The following PTPRM variants were observed in gnomAD, a reference collection of about 807,000 sequenced individuals.
PTPRM encodes receptor-type tyrosine-protein phosphatase mu.
In PTPRM, 47 loss-of-function variants were observed where a neutral mutation model predicts 186.7. The ratio of observed to expected loss-of-function variants is 0.25; its 90% CI spans 0.20 to 0.32. The LOEUF (loss-of-function observed/expected upper bound fraction) is 0.32. PTPRM is among the 10% of genes least tolerant of loss of function. PTPRM has a pLI of 1.00. For missense variants in PTPRM, 1,494 were observed against 1,865.0 expected, an observed-to-expected ratio of 0.80 and a Z score of 3.66; for synonymous variants, 668 against 674.9, an observed-to-expected ratio of 0.99 and a Z score of 0.16.
chr18:7,965,678 T>G (rs532249822), intron 7 of PTPRM, among the ~76,000 whole-genome samples: 1 of 152,328 alleles, frequency 6.6e-6, no homozygotes, highest in Non-Finnish European at 1.5e-5. Context: ...TCAGTCACTC[T>G]TGACTTACCA....
intron 14 of PTPRM, among the ~76,000 whole-genome samples, chr18:8,190,642 G>T (rs988197912): frequency 6.6e-6 from 1 of 151,968 alleles, no homozygotes; most frequent in African/African-American, 2.4e-5. Flanking sequence ...ATAAATCTAT[G>T]TTCTGTTTAT....
intron 1 of PTPRM, among the ~76,000 whole-genome samples, chr18:7,647,066 C>G (rs1029664108): frequency 2.6e-5 from 4 of 152,114 alleles, no homozygotes; most frequent in Non-Finnish European, 5.9e-5. Context: ...CAACATGTTC[C>G]TGAGACACGT....
chr18:7,999,704 A>G (rs2083755284), intron 7 of PTPRM, among the ~76,000 whole-genome samples: 1 of 151,986 alleles, frequency 6.6e-6, no homozygotes, highest in Non-Finnish European at 1.5e-5. Context: ...ATTTGTTTTG[A>G]AAGAGTAGTA....
chr18:8,361,250 C>G (rs758496145), intron 23 of PTPRM, among the ~76,000 whole-genome samples: 3 of 152,138 alleles, frequency 2.0e-5, no homozygotes, highest in Non-Finnish European at 4.4e-5. Flanking sequence ...GCATTTAGCC[C>G]TGATTAATGC....
At chr18:8,107,064 T>G (rs921789048) in intron 11 of PTPRM, among the ~76,000 whole-genome samples, 1 of 152,256 alleles carries the variant, frequency 6.6e-6, no homozygotes, top group Non-Finnish European at 1.5e-5. Context: ...TCTCTTTCTA[T>G]TTTTATTCAA....
At chr18:8,305,498 T>A (rs1055457123) in intron 20 of PTPRM, among the ~76,000 whole-genome samples, 1 of 152,230 alleles carries the variant, frequency 6.6e-6, no homozygotes, top group Non-Finnish European at 1.5e-5. Context: ...TATTCCCATT[T>A]TACAGTTGGG....
intron 1 of PTPRM, among the ~76,000 whole-genome samples, chr18:7,587,345 A>G (rs2037005397): frequency 6.6e-6 from 1 of 152,080 alleles, no homozygotes; most frequent in Non-Finnish European, 1.5e-5. Context: ...CTTTGTTCAT[A>G]TAAATAGATG....
chr18:7,598,272 G>A (rs1487749510), intron 1 of PTPRM, among the ~76,000 whole-genome samples: 8 of 152,066 alleles, frequency 5.3e-5, no homozygotes, highest in Admixed American at 3.9e-4. Flanking sequence ...ATATCTTCTC[G>A]TAAACAGTGT....
At chr18:7,844,558 G>A (rs1021814892) in intron 2 of PTPRM, among the ~76,000 whole-genome samples, 16 of 152,220 alleles carry the variant, frequency 1.1e-4, no homozygotes, top group African/African-American at 3.9e-4. Context: ...GAAACAGAAG[G>A]CATGCACGAG....
intron 2 of PTPRM, among the ~76,000 whole-genome samples, chr18:7,868,795 C>T (rs1388439347): frequency 6.6e-6 from 1 of 152,232 alleles, no homozygotes; most frequent in East Asian, 1.9e-4. Context: ...AAGCTGCGCC[C>T]ACAGCCACCC....
At chr18:7,764,074 T>C (rs1286995038) in intron 1 of PTPRM, among the ~76,000 whole-genome samples, 1 of 152,160 alleles carries the variant, frequency 6.6e-6, no homozygotes, top group Non-Finnish European at 1.5e-5. Context: ...ATCAGGGTTT[T>C]CTTAGCATGA....
At chr18:7,601,796 C>T (rs534784898) in intron 1 of PTPRM, among the ~76,000 whole-genome samples, 1 of 152,322 alleles carries the variant, frequency 6.6e-6, no homozygotes, top group African/African-American at 2.4e-5. Flanking sequence ...CAACCTGCTA[C>T]ACCCGGGTAA....
At chr18:8,096,200 A>G (rs1449276186) in intron 11 of PTPRM, among the ~76,000 whole-genome samples, 1 of 152,228 alleles carries the variant, frequency 6.6e-6, no homozygotes, top group African/African-American at 2.4e-5. Context: ...TGCCAGCAGC[A>G]CACTTAGTGG....
intron 14 of PTPRM, among the ~76,000 whole-genome samples, chr18:8,239,696 A>G (rs2094394320): frequency 6.6e-6 from 1 of 152,176 alleles, no homozygotes; most frequent in Non-Finnish European, 1.5e-5. Flanking sequence ...TTTGCCCTGT[A>G]GCCTCAGTTC....
At chr18:7,708,418 T>A (rs2040141873) in intron 1 of PTPRM, among the ~76,000 whole-genome samples, 1 of 152,238 alleles carries the variant, frequency 6.6e-6, no homozygotes, top group Non-Finnish European at 1.5e-5. Flanking sequence ...ATTACTACTT[T>A]AAGAGAATAA....
chr18:8,363,565 C>T (rs1180128133), intron 23 of PTPRM, among the ~76,000 whole-genome samples: 1 of 152,182 alleles, frequency 6.6e-6, no homozygotes, highest in East Asian at 1.9e-4. Flanking sequence ...TCAGAGTAAT[C>T]TGTAGAGTAG....
intron 2 of PTPRM, among the ~76,000 whole-genome samples, chr18:7,793,958 A>G (rs569617197): frequency 1.3e-5 from 2 of 152,260 alleles, no homozygotes; most frequent in East Asian, 3.9e-4. Flanking sequence ...AGAGCACACC[A>G]CCAGACACTG....
chr18:8,157,182 C>T (rs2093139209), intron 14 of PTPRM, among the ~76,000 whole-genome samples: 1 of 152,160 alleles, frequency 6.6e-6, no homozygotes, highest in Admixed American at 6.5e-5. Flanking sequence ...CCCTCAGTTT[C>T]CCCAGCTATT....
At chr18:7,740,507 C>A (rs1355732690) in intron 1 of PTPRM, among the ~76,000 whole-genome samples, 1 of 152,184 alleles carries the variant, frequency 6.6e-6, no homozygotes, top group Non-Finnish European at 1.5e-5. Context: ...CAGCCTGAAA[C>A]TCCTGGGCTG....
Sources: gnomAD v4.1 joint callset for allele counts (sites outside exome capture counted in the v4.1 genomes callset) on GRCh38, gnomAD v4.1.1 for gene constraint, MANE v1.5 for transcripts, NCBI Gene and HGNC (gene_info 2026-07-23, HGNC 2026-07-21) for gene names.